The following FOXP1 variants were observed in gnomAD, a reference collection of about 807,000 sequenced individuals.
FOXP1 encodes forkhead box P1.
A neutral mutation model predicts 98.2 loss-of-function variants in FOXP1; 15 were observed. The ratio of observed to expected loss-of-function variants is 0.15; its 90% CI spans 0.10 to 0.24. FOXP1 has a LOEUF of 0.24. Ranked by LOEUF, FOXP1 falls within the 10% of genes least tolerant of loss-of-function variation. FOXP1 has a pLI of 1.00. For synonymous variants in FOXP1, 371 were observed against 314.5 expected, an observed-to-expected ratio of 1.18 and a Z score of -1.90; for missense variants, 633 against 848.5, an observed-to-expected ratio of 0.75 and a Z score of 3.15.
intron 6 of FOXP1, among the ~76,000 whole-genome samples, chr3:71,194,412 TATGCTGTATATGGAGAA>T (rs1371549969): frequency 1.3e-5 from 2 of 152,222 alleles, no homozygotes; most frequent in Non-Finnish European, 2.9e-5. Flanking sequence ...CCTGACAGCA[TATGCTGTATATGGAGAA>T]ACTTCTAAAC....
intron 7 of FOXP1, among the ~76,000 whole-genome samples, chr3:71,102,483 C>T (rs924439996): frequency 1.3e-5 from 2 of 152,206 alleles, no homozygotes; most frequent in African/African-American, 4.8e-5. Context: ...ACCGTAATTA[C>T]ATCGGTACAC....
intron 9 of FOXP1, 122 bp from the exon 10 acceptor site, chr3:71,047,217 G>A: frequency 8.8e-7 from 1 of 1,138,010 alleles, no homozygotes; most frequent in Non-Finnish European, 1.3e-6. Context: ...CTCAGTGGAG[G>A]GCTCCGTGTC....
At chr3:71,117,926 A>G (rs897636843) in intron 6 of FOXP1, among the ~76,000 whole-genome samples, 3 of 152,208 alleles carry the variant, frequency 2.0e-5, no homozygotes, top group East Asian at 1.9e-4. Flanking sequence ...AGTTGCACAC[A>G]TTCACATTTA....
intron 4 of FOXP1, among the ~76,000 whole-genome samples, chr3:71,331,089 G>C (rs1483379711): frequency 6.6e-6 from 1 of 152,244 alleles, no homozygotes; most frequent in East Asian, 1.9e-4. Flanking sequence ...TTCTGGGCTA[G>C]CCAAGGCCGG....
chr3:70,969,925 G>A (rs1344855609), intron 19 of FOXP1: 1 of 152,312 alleles, frequency 6.6e-6, no homozygotes, highest in Non-Finnish European at 1.5e-5. Flanking sequence ...ATGAACTCTT[G>A]AGGGGGGACT....
At chr3:71,286,166 T>C (rs2072105137) in intron 5 of FOXP1, among the ~76,000 whole-genome samples, 1 of 152,230 alleles carries the variant, frequency 6.6e-6, no homozygotes, top group South Asian at 2.1e-4. Flanking sequence ...TGCTCCATTA[T>C]AATTTTATGG....
At chr3:71,242,764 GAA>G (rs56035810) in intron 5 of FOXP1, among the ~76,000 whole-genome samples, 98,722 of 140,262 alleles carry the variant, frequency 0.7, 34,065 homozygotes, top group African/African-American at 0.81. Flanking sequence ...GCCCAAAAAG[GAA>G]AAAAAAAAAA....
At chr3:70,972,705 T>A (rs749571682) in intron 17 of FOXP1, 29 bp from the exon 18 acceptor site, 1 of 1,611,984 alleles carries the variant, frequency 6.2e-7, no homozygotes, top group South Asian at 1.1e-5. Flanking sequence ...AGAGAACATT[T>A]ACATTTTCTA....
At chr3:71,293,517 T>C (rs2107515966) in intron 5 of FOXP1, among the ~76,000 whole-genome samples, 1 of 152,282 alleles carries the variant, frequency 6.6e-6, no homozygotes, top group African/African-American at 2.4e-5. Flanking sequence ...ATTTGCTATT[T>C]GGTTTTGTAT....
chr3:71,328,407 T>A lies in FOXP1; in HGVS notation c.-72-28527A>T, dbSNP rs181341309. On this transcript the variant is annotated intron_variant, in intron 4 of 20. Coordinates refer to ENST00000649528, the MANE Select transcript of FOXP1 (RefSeq NM_001349338.3). ...AACCTGTCATCTTTGGACTAGAAAG[T>A]GGGTTGATCCTGCCATCAAAATATC... 5.1e-4 allele frequency among the ~76,000 whole-genome samples: 77 copies of A among 152,324 alleles called. 1 individual carries two copies. In the East Asian group the frequency reaches 9.1e-3, roughly 18 times the overall value.
chr3:71,455,535 A>C (rs1285001813), intron 3 of FOXP1, among the ~76,000 whole-genome samples: 1 of 152,216 alleles, frequency 6.6e-6, no homozygotes, highest in Non-Finnish European at 1.5e-5. Context: ...AACTGCATAA[A>C]ACAAATAATG....
chr3:71,440,695 CAAA>C (rs537681767), intron 3 of FOXP1, among the ~76,000 whole-genome samples: 5 of 96,090 alleles, frequency 5.2e-5, no homozygotes, highest in Admixed American at 1.1e-4. Context: ...GACTCTGTCT[CAAA>C]AAAAAAAAAA....
At chr3:71,327,695 CAA>C (rs755699880) in intron 4 of FOXP1, among the ~76,000 whole-genome samples, 12 of 151,960 alleles carry the variant, frequency 7.9e-5, no homozygotes, top group Non-Finnish European at 1.2e-4. Context: ...CCCAATTTCT[CAA>C]AGTTATAAGC....
chr3:71,056,821 T>TA (rs111312573), intron 7 of FOXP1, among the ~76,000 whole-genome samples: 10,654 of 146,354 alleles, frequency 0.073, 1,018 homozygotes, highest in African/African-American at 0.22. Flanking sequence ...GAAAAGAAAT[T>TA]AAAAAAAAAA....
At chr3:71,490,691 A>G (rs906256430) in intron 3 of FOXP1, among the ~76,000 whole-genome samples, 3 of 152,182 alleles carry the variant, frequency 2.0e-5, no homozygotes, top group African/African-American at 7.2e-5. Context: ...TTCAAAACAG[A>G]TATCATTTTC....
In FOXP1 at chr3:71,400,363, A is replaced by AT. The variant is rs34221027; in HGVS notation, c.-167-41120dup. Among the ~76,000 whole-genome samples the AT allele has an allele frequency of 9.9e-3, 1,493 of 150,296 alleles. 22 individuals are homozygous for AT. The highest frequency in any genetic ancestry group is 0.033 in the African/African-American group (1,347 of 40,812). On this transcript the variant is annotated intron_variant, in intron 3 of 20. Coordinates refer to ENST00000649528, the MANE Select transcript of FOXP1 (RefSeq NM_001349338.3). ...TCTCTGTTTTATTAATTTATGTATG[A>AT]TTTTTTTTTTTGAGACAGAGTCTCG...
At chr3:71,210,067 A>T (rs2064337075) in intron 5 of FOXP1, among the ~76,000 whole-genome samples, 1 of 152,212 alleles carries the variant, frequency 6.6e-6, no homozygotes, top group Admixed American at 6.5e-5. Flanking sequence ...ATAAAGATAC[A>T]CCTAAGTGGA....
chr3:71,357,200 C>T lies in FOXP1; in HGVS notation c.-73+1950G>A, dbSNP rs981385331. ...TAAGACCTCATGCTAGTACTCAAGC[C>T]TTAATGAAATCTTACATCCACAGGA... On this transcript the variant is annotated intron_variant, in intron 4 of 20. Coordinates refer to ENST00000649528, the MANE Select transcript of FOXP1 (RefSeq NM_001349338.3). 2.6e-5 allele frequency among the ~76,000 whole-genome samples: 4 copies of T among 152,178 alleles called. No homozygotes were observed. In the East Asian group the frequency reaches 7.7e-4, roughly 29 times the overall value.
At chr3:71,172,907 A>G (rs959853023) in intron 6 of FOXP1, among the ~76,000 whole-genome samples, 5 of 152,190 alleles carry the variant, frequency 3.3e-5, no homozygotes, top group African/African-American at 1.2e-4. Context: ...TTACTCAGAA[A>G]CTTAAGATAG....
Sources: allele counts gnomAD v4.1 joint callset (sites outside exome capture counted in the v4.1 genomes callset), GRCh38; gene constraint gnomAD v4.1.1; transcripts MANE v1.5; gene names NCBI Gene and HGNC (gene_info 2026-07-23, HGNC 2026-07-21).